The following PDE10A variants were observed in gnomAD, a reference collection of about 807,000 sequenced individuals.
PDE10A encodes the protein cAMP and cAMP-inhibited cGMP 3',5'-cyclic phosphodiesterase 10A.
A neutral mutation model predicts 97.7 loss-of-function variants in PDE10A; 39 were observed. The observed-to-expected ratio is 0.40, with a 90% confidence interval of 0.31 to 0.52. PDE10A has a LOEUF of 0.52. Ranked by LOEUF, PDE10A falls within the 20% of genes least tolerant of loss-of-function variation. The probability of loss-of-function intolerance (pLI) is 0.56; values close to 1 mark genes in which losing one functional copy is unlikely to be tolerated. For synonymous variants in PDE10A, 371 were observed against 376.8 expected (o/e 0.98, Z 0.18); for missense variants, 731 against 1,047.8 (o/e 0.70, Z 4.17).
intron 1 of PDE10A, among the ~76,000 whole-genome samples, chr6:165,559,741 C>G (rs1009668350): frequency 6.6e-6 from 1 of 152,116 alleles, no homozygotes; most frequent in Non-Finnish European, 1.5e-5. Context: ...GCGGGAGGGA[C>G]CTGGTGGGAG....
intron 1 of PDE10A, among the ~76,000 whole-genome samples, chr6:165,879,082 TG>T (rs2128480142): frequency 6.6e-6 from 1 of 152,316 alleles, no homozygotes; most frequent in Admixed American, 6.5e-5. Flanking sequence ...GTCTGAAATT[TG>T]GGGGTGCAAC....
At chr6:165,798,093 A>G (rs1778876923) in intron 1 of PDE10A, among the ~76,000 whole-genome samples, 1 of 152,208 alleles carries the variant, frequency 6.6e-6, no homozygotes, top group African/African-American at 2.4e-5. Context: ...ACATACTTGA[A>G]TATATTTAAT....
chr6:165,438,299 C>T (rs1790181563), intron 5 of PDE10A, among the ~76,000 whole-genome samples: 1 of 152,192 alleles, frequency 6.6e-6, no homozygotes, highest in Non-Finnish European at 1.5e-5. Context: ...AGCGATTCTC[C>T]TGCCTCAGCC....
chr6:165,427,828 A>G (rs1385577659), intron 10 of PDE10A, among the ~76,000 whole-genome samples: 1 of 152,126 alleles, frequency 6.6e-6, no homozygotes, highest in African/African-American at 2.4e-5. Context: ...AAGAGAAGTT[A>G]TTTTAATGTA....
intron 1 of PDE10A, among the ~76,000 whole-genome samples, chr6:165,908,638 G>A (rs1782366994): frequency 6.6e-6 from 1 of 152,202 alleles, no homozygotes; most frequent in African/African-American, 2.4e-5. Flanking sequence ...ATTGTCAGAG[G>A]AGTGGGCACT....
At position 165,851,797 on chromosome 6, in the gene PDE10A, A is replaced by T. The variant is rs567834802; in HGVS notation, c.-615+135732T>A. ...AAGTGAGAATAATGAAGTATACATT[A>T]AAAAAAATACAGGCTGGGCACAGTG... is the stretch of plus-strand genomic sequence containing the variant. On this transcript the variant is annotated intron_variant, in intron 1 of 19. Coordinates refer to the PDE10A transcript ENST00000366882. Among the ~76,000 whole-genome samples the T allele has an allele frequency of 6.6e-4, 100 of 152,030 alleles. 1 individual carries two copies. The highest frequency in any genetic ancestry group is 1.2e-3 in the Non-Finnish European group (81 of 67,966).
intron 1 of PDE10A, among the ~76,000 whole-genome samples, chr6:165,568,320 G>A (rs1784892937): frequency 1.3e-5 from 2 of 152,034 alleles, no homozygotes; most frequent in African/African-American, 4.8e-5. Flanking sequence ...AAAGAACTAA[G>A]TATAGTATAC....
At chr6:165,952,867 A>G (rs959194238) in intron 1 of PDE10A, among the ~76,000 whole-genome samples, 16 of 152,294 alleles carry the variant, frequency 1.1e-4, no homozygotes, top group African/African-American at 3.8e-4. Flanking sequence ...AGAAAAAAAA[A>G]AAAGGCCACA....
intron 1 of PDE10A, among the ~76,000 whole-genome samples, chr6:165,966,839 G>A (rs1471507593): frequency 1.3e-5 from 2 of 151,884 alleles, no homozygotes; most frequent in African/African-American, 2.4e-5. Flanking sequence ...AGAGATTTCA[G>A]GTAGCTTACA....
At chr6:165,509,100 T>TATTC (rs1197912108) in intron 2 of PDE10A, among the ~76,000 whole-genome samples, 3 of 152,072 alleles carry the variant, frequency 2.0e-5, no homozygotes, top group Non-Finnish European at 2.9e-5. Flanking sequence ...TCAAAGCGTA[T>TATTC]ATTCATACTT....
At chr6:165,453,043 C>T (rs1256736605) in intron 3 of PDE10A, among the ~76,000 whole-genome samples, 1 of 152,112 alleles carries the variant, frequency 6.6e-6, no homozygotes, top group Non-Finnish European at 1.5e-5. Context: ...ATACTCGCAA[C>T]TGGAGTAAAA....
chr6:165,566,007 A>T (rs1157950873), intron 1 of PDE10A, among the ~76,000 whole-genome samples: 2 of 152,202 alleles, frequency 1.3e-5, no homozygotes, highest in Non-Finnish European at 2.9e-5. Flanking sequence ...GAAAATATAG[A>T]TGAACCTGGG....
chr6:165,429,475 A>G (rs574755646), intron 9 of PDE10A, among the ~76,000 whole-genome samples: 1 of 152,272 alleles, frequency 6.6e-6, no homozygotes, highest in Admixed American at 6.5e-5. Flanking sequence ...TAAATGTAAC[A>G]TAAACTAGTA....
At chr6:165,891,418 G>A (rs750078268) in intron 1 of PDE10A, among the ~76,000 whole-genome samples, 1 of 152,160 alleles carries the variant, frequency 6.6e-6, no homozygotes, top group Non-Finnish European at 1.5e-5. Context: ...GTCCCCAAGT[G>A]GTTGCTGCTA....
At chr6:165,915,973 A>G (rs191615006) in intron 1 of PDE10A, among the ~76,000 whole-genome samples, 22 of 152,352 alleles carry the variant, frequency 1.4e-4, no homozygotes, top group Middle Eastern at 6.8e-3. Flanking sequence ...GAACTTTGAT[A>G]TGGAGGTATC....
At chr6:165,665,532 A>G (rs1467361655), upstream of PDE10A, among the ~76,000 whole-genome samples, 1 of 152,242 alleles carries the variant, frequency 6.6e-6, no homozygotes, top group African/African-American at 2.4e-5. Context: ...CAATATAGTT[A>G]CATGACAAAA....
At chr6:165,730,791 A>G (rs1379414012) in intron 1 of PDE10A, among the ~76,000 whole-genome samples, 2 of 145,588 alleles carry the variant, frequency 1.4e-5, no homozygotes, top group African/African-American at 5.2e-5. Context: ...CACGCCTGTA[A>G]TCCCAGCACT....
chr6:165,588,415 A>G (rs1270671406), intron 1 of PDE10A, among the ~76,000 whole-genome samples: 1 of 147,968 alleles, frequency 6.8e-6, no homozygotes, highest in Non-Finnish European at 1.5e-5. Context: ...CTCAGCCTCT[A>G]GAGTAGCTGG....
intron 5 of PDE10A, among the ~76,000 whole-genome samples, chr6:165,439,290 T>A (rs1486582264): frequency 6.6e-6 from 1 of 152,198 alleles, no homozygotes; most frequent in Non-Finnish European, 1.5e-5. Context: ...TCTCTAAGAT[T>A]AATTCCTGCT....
Sources: gnomAD v4.1 joint callset for allele counts (sites outside exome capture counted in the v4.1 genomes callset) on GRCh38, gnomAD v4.1.1 for gene constraint, MANE v1.5 for transcripts, NCBI Gene and HGNC (gene_info 2026-07-23, HGNC 2026-07-21) for gene names.